The following IFNLR1 variants were observed in gnomAD, a reference collection of about 807,000 sequenced individuals.
IFNLR1 encodes the protein CRF2-12.
In IFNLR1, 28 loss-of-function variants were observed where a neutral mutation model predicts 52.5. That is an observed-to-expected ratio of 0.53 (90% confidence interval 0.40 to 0.73). The LOEUF (loss-of-function observed/expected upper bound fraction) is 0.73. IFNLR1 is among the 30% of genes least tolerant of loss of function. IFNLR1 has a pLI of 0.00. For synonymous variants in IFNLR1, 276 were observed against 274.9 expected (o/e 1.00, Z -0.04); for missense variants, 623 against 659.1 (o/e 0.95, Z 0.60).
intron 1 of IFNLR1, among the ~76,000 whole-genome samples, chr1:24,183,933 T>C (rs954613847): frequency 6.6e-6 from 1 of 152,222 alleles, no homozygotes; most frequent in East Asian, 1.9e-4. Context: ...TTTCACCATG[T>C]TGGCTAGGCT....
At position 24,157,054 on chromosome 1, in the gene IFNLR1, T is replaced by C; in HGVS notation, c.*76A>G. The C allele has an allele frequency of 6.6e-7, 1 of 1,506,114 alleles. No homozygotes were observed. The highest frequency in any genetic ancestry group is 1.4e-5 in the African/African-American group (1 of 71,586). The allele number at this position is 1,506,114 out of a possible 1,614,324, so 93.3% of individuals were successfully genotyped here. On this transcript the variant is annotated 3_prime_UTR_variant, in exon 7 of 7. Transcript: ENST00000327535. The surrounding 1 kb of genome is among the most constrained non-coding windows in gnomAD (Gnocchi z 5.1). ...CGCCCAGGGGAGGTACGGAGGCTCT[T>C]GAGTTTCTTGGGAAGCCCAGTAGTC...
At chr1:24,187,131 A>C in intron 1 of IFNLR1, 60 bp downstream of exon 1, 2 of 1,149,782 alleles carry the variant, frequency 1.7e-6, no homozygotes, top group Non-Finnish European at 2.3e-6. Flanking sequence ...GTCCGAGGGT[A>C]GGCGCGGCCC....
intron 1 of IFNLR1, among the ~76,000 whole-genome samples, chr1:24,183,972 C>T (rs536199022): frequency 1.3e-4 from 20 of 152,276 alleles, no homozygotes; most frequent in East Asian, 1.2e-3. Context: ...TCAGGTGATC[C>T]GCCCACCTTG....
At chr1:24,162,876 T>TTCCTTCCTTCCTTCCTTCC (rs1644474630) in intron 3 of IFNLR1, among the ~76,000 whole-genome samples, 3 of 22,588 alleles carry the variant, frequency 1.3e-4, no homozygotes, top group South Asian at 1.9e-3. Flanking sequence ...TCTTTCTTTC[T>TTCCTTCCTTCCTTCCTTCC]TTCCTTCCTT....
chr1:24,165,273 T>C (rs56904533), intron 3 of IFNLR1, among the ~76,000 whole-genome samples: 38,247 of 152,124 alleles, frequency 0.25, 5,062 homozygotes, highest in East Asian at 0.5. Context: ...ACAAGCTCTG[T>C]GTCCCATATG....
Position 24,157,063 on chromosome 1 carries a change from T to G in IFNLR1, c.*67A>C. 6.6e-7 allele frequency: 1 copy of G among 1,519,258 alleles called. No homozygotes were observed. Among genetic ancestry groups the G allele is most frequent in the East Asian group, 2.3e-5 (1 of 44,234 alleles). The allele number at this position is 1,519,258 out of a possible 1,614,324, so 94.1% of individuals were successfully genotyped here. A position where few individuals can be genotyped will look rare whatever the true frequency, so the allele number is the denominator to read the frequency against. Reference sequence around the variant, plus strand: ...GAGGTACGGAGGCTCTTGAGTTTCTTGGGAAGCCCAGTAGTCCTTGCAAAG... The same window carrying G: ...GAGGTACGGAGGCTCTTGAGTTTCTGGGGAAGCCCAGTAGTCCTTGCAAAG... On this transcript the variant is annotated 3_prime_UTR_variant, in exon 7 of 7. Coordinates refer to ENST00000327535, the MANE Select transcript of IFNLR1 (RefSeq NM_170743.4). This position sits in a 1 kb window ranked among gnomAD's most constrained non-coding sequence, Gnocchi z 5.1.
At chr1:24,179,380 G>A (rs1410127016) in intron 2 of IFNLR1, among the ~76,000 whole-genome samples, 1 of 152,212 alleles carries the variant, frequency 6.6e-6, no homozygotes, top group Admixed American at 6.5e-5. Flanking sequence ...TACTGAACTT[G>A]TCCTCAGAGA....
At chr1:24,165,784 T>A (rs996491296) in intron 3 of IFNLR1, among the ~76,000 whole-genome samples, 1 of 152,144 alleles carries the variant, frequency 6.6e-6, no homozygotes, top group Non-Finnish European at 1.5e-5. Context: ...ATCCACTGGG[T>A]ACTGACTAGG....
intron 1 of IFNLR1, among the ~76,000 whole-genome samples, chr1:24,185,664 G>A (rs1644730534): frequency 6.6e-6 from 1 of 152,210 alleles, no homozygotes; most frequent in Admixed American, 6.5e-5. Flanking sequence ...CCAGCTTCTG[G>A]ACTTCCTAAC....
intron 3 of IFNLR1, among the ~76,000 whole-genome samples, chr1:24,163,315 G>A (rs1644484518): frequency 6.6e-6 from 1 of 152,002 alleles, no homozygotes; most frequent in African/African-American, 2.4e-5. Flanking sequence ...TCTATTCATG[G>A]GGGCAGCGTT....
rs1396989516 is a variant in IFNLR1, at chr1:24,156,386, C to G, written c.*744G>C. 6.6e-6 allele frequency: 1 copy of G among 152,244 alleles called. No homozygotes were observed. Among genetic ancestry groups the G allele is most frequent in the South Asian group, 2.1e-4 (1 of 4,826 alleles). The allele number at this position is 152,244 out of a possible 1,614,324, so 9.4% of individuals were successfully genotyped here. On this transcript the variant is annotated 3_prime_UTR_variant, in exon 7 of 7. Coordinates refer to ENST00000327535, the MANE Select transcript of IFNLR1 (RefSeq NM_170743.4). ...AGAGCACCCAGGACACAGCAGGCTCCGTGCTACACACATCTGAGATCCCCT... is the reference window on the plus strand; with the variant it reads ...AGAGCACCCAGGACACAGCAGGCTCGGTGCTACACACATCTGAGATCCCCT...
At chr1:24,163,553 C>T (rs1038854054) in intron 3 of IFNLR1, among the ~76,000 whole-genome samples, 4 of 151,248 alleles carry the variant, frequency 2.6e-5, no homozygotes, top group African/African-American at 9.7e-5. Flanking sequence ...TTCCCTCTGT[C>T]CCCCACCCAA....
rs1446277993 is a variant in IFNLR1, at chr1:24,157,358, G to T, written c.1335C>A (p.Leu445=). 2 of 1,614,192 alleles carry T rather than the reference G, an allele frequency of 1.2e-6. No homozygotes were observed. The highest frequency in any genetic ancestry group is 1.7e-6 in the Non-Finnish European group (2 of 1,180,018). ...GFLEELPEDN[L]SSWATWGTLP... ...AGGTGCCCCAGGTGGCCCAGGAGGA[G>T]AGGTTATCTTCTGGGAGCTCTTCCA... The change falls in exon 7 of 7, where the codon CTC becomes CTA. Residue 445 remains leucine, a synonymous_variant. Coordinates refer to ENST00000327535, the MANE Select transcript of IFNLR1 (RefSeq NM_170743.4). This position sits in a 1 kb window ranked among gnomAD's most constrained non-coding sequence, Gnocchi z 5.1.
intron 6 of IFNLR1, 35 bp downstream of exon 6, chr1:24,159,017 T>TC: frequency 6.2e-7 from 1 of 1,606,812 alleles, no homozygotes; most frequent in East Asian, 2.2e-5. Context: ...TCTCAACCCC[T>TC]CCCCACCTGC....
At chr1:24,183,300 TA>T (rs933038143) in intron 1 of IFNLR1, among the ~76,000 whole-genome samples, 34 of 145,796 alleles carry the variant, frequency 2.3e-4, no homozygotes, top group Admixed American at 3.4e-4. Flanking sequence ...TTTTCCCCAT[TA>T]AAAAAAAAAA....
chr1:24,180,982 A>G, intron 1 of IFNLR1, 128 bp from the exon 2 acceptor site: 1 of 905,030 alleles, frequency 1.1e-6, no homozygotes. Flanking sequence ...GGAGCCACTG[A>G]CTGGCTGTAC....
At position 24,159,565 on chromosome 1, in the gene IFNLR1, G is replaced by A. The variant is rs1644418509; in HGVS notation, c.579C>T (p.His193=). ...AGATGGTTCTGGCACTGAGGCAGTGGTGTTCGCTGGCAGCTGGCTGGAGAG... is the reference window on the plus strand; with the variant it reads ...AGATGGTTCTGGCACTGAGGCAGTGATGTTCGCTGGCAGCTGGCTGGAGAG... The part of the protein sequence containing the change: ...QITLQPAASE[H]HCLSARTIYT... Residue 193 remains histidine, a synonymous_variant, in exon 5 of 7, where the codon CAC becomes CAT. Transcript: ENST00000327535. The A allele has an allele frequency of 6.2e-7, 1 of 1,613,778 alleles. No homozygotes were observed. The highest frequency in any genetic ancestry group is 1.6e-4 in the Middle Eastern group (1 of 6,062).
chr1:24,162,804 T>TTTTC lies in IFNLR1; in HGVS notation c.368-1121_368-1120insGAAA, dbSNP rs1557644065. On this transcript the variant is annotated intron_variant, in intron 3 of 6. Transcript: ENST00000327535. ...TTTCTTTCTTTTTCTTTCTTTCTTTTTTCTTTCTTTTTTTCTTCTTTCTTT... is the reference window on the plus strand; with the variant it reads ...TTTCTTTCTTTTTCTTTCTTTCTTTTTTTCTTCTTTCTTTTTTTCTTCTTTCTTT... Among the ~76,000 whole-genome samples, 124 of 68,182 alleles carry TTTTC rather than the reference T, an allele frequency of 1.8e-3. 6 individuals carry two copies. Among genetic ancestry groups the TTTTC allele is most frequent in the East Asian group, 3.8e-3 (8 of 2,094 alleles). 44.7% of individuals were successfully genotyped at this position (68,182 alleles called of 152,430 possible). A position where few individuals can be genotyped will look rare whatever the true frequency, so the allele number is the denominator to read the frequency against.
Position 24,157,557 on chromosome 1 carries a change from C to A in IFNLR1, c.1136G>T (p.Gly379Val), listed in dbSNP as rs765896629. 19 of 1,611,994 alleles carry A rather than the reference C, an allele frequency of 1.2e-5. No homozygotes were observed. Among genetic ancestry groups the A allele is most frequent in the East Asian group, 4.5e-5 (2 of 44,870 alleles). Residue 379 changes from glycine to valine, a missense_variant, in exon 7 of 7, where the codon GGC becomes GTC. Coordinates refer to ENST00000327535, the MANE Select transcript of IFNLR1 (RefSeq NM_170743.4). This position sits in a 1 kb window ranked among gnomAD's most constrained non-coding sequence, Gnocchi z 5.1. ...GTCTGAAGAATCCCAAGCAGAGGAGCCTTCGCTTGGGACCAGAGGAGCCCT... is the reference window on the plus strand; with the variant it reads ...GTCTGAAGAATCCCAAGCAGAGGAGACTTCGCTTGGGACCAGAGGAGCCCT... The part of the protein sequence containing the change: ...RPRAPLVPSE[G>V]SSAWDSSDRS...
Sources: gnomAD v4.1 joint callset for allele counts (sites outside exome capture counted in the v4.1 genomes callset) on GRCh38, gnomAD v4.1.1 for gene constraint, Gnocchi (gnomAD v3.1) non-coding constraint, MANE v1.5 for transcripts, NCBI Gene and HGNC (gene_info 2026-07-23, HGNC 2026-07-21) for gene names.